The following SEC24C variants were observed in gnomAD, a reference collection of about 807,000 sequenced individuals.
SEC24C encodes the protein protein transport protein Sec24C.
Under a neutral mutation model 117.0 loss-of-function variants are expected in SEC24C, and 22 were observed. That is an observed-to-expected ratio of 0.19 (90% CI 0.13 to 0.27). The LOEUF (loss-of-function observed/expected upper bound fraction) is 0.27, where lower values mean the gene tolerates loss of function less well. Ranked by LOEUF, SEC24C falls within the 10% of genes least tolerant of loss-of-function variation. SEC24C has a pLI of 1.00. For missense variants in SEC24C, 1,155 were observed against 1,375.1 expected, an observed-to-expected ratio of 0.84 and a Z score of 2.53; for synonymous variants, 506 against 529.4, an observed-to-expected ratio of 0.96 and a Z score of 0.61.
At position 73,766,867 on chromosome 10, in the gene SEC24C, A is replaced by G; in HGVS notation, c.1893+14A>G. On this transcript the variant is annotated intron_variant, in intron 13 of 22. Coordinates refer to ENST00000345254, the MANE Select transcript of SEC24C (RefSeq NM_198597.3). ...GAGGCTCTGAAGGTAAGGCTGGAGTATCGGGCAACCTCCTCTAACTCCATT... is the reference window on the plus strand; with the variant it reads ...GAGGCTCTGAAGGTAAGGCTGGAGTGTCGGGCAACCTCCTCTAACTCCATT... 2 of 1,609,066 alleles carry G rather than the reference A, an allele frequency of 1.2e-6. No homozygotes were observed. Among genetic ancestry groups the G allele is most frequent in the Non-Finnish European group, 1.7e-6 (2 of 1,175,356 alleles).
rs1442816028 is a variant in SEC24C at position 73,765,842 on chromosome 10, G to A, written c.1409G>A (p.Arg470His). ...YFQHLDHTGKRVDAYDRPELS... is the reference protein window; with the variant it reads ...YFQHLDHTGKHVDAYDRPELS... ...CAGCACCTGGATCATACCGGCAAAC[G>A]TGTGGATGCTTATGACCGCCCTGAG... Residue 470 changes from arginine to histidine, a missense_variant, in exon 10 of 23, where the codon CGT (arginine) becomes CAT (histidine). Physicochemically the swap from Arg to His is conservative, Grantham distance 29. This residue lies in a region of SEC24C where 759 missense variants were observed against 992.3 expected (regional missense o/e 0.76). Coordinates refer to ENST00000345254, the MANE Select transcript of SEC24C (RefSeq NM_198597.3). 2 of 1,614,138 alleles carry A rather than the reference G, an allele frequency of 1.2e-6. No individual in the cohort carries two copies. Among genetic ancestry groups the A allele is most frequent in the South Asian group, 1.1e-5 (1 of 91,074 alleles).
Position 73,771,993 on chromosome 10 carries a change from T to G in SEC24C, c.*898T>G. On this transcript the variant is annotated 3_prime_UTR_variant, in exon 23 of 23. Coordinates refer to ENST00000345254, the MANE Select transcript of SEC24C (RefSeq NM_198597.3). ...ATTGACTGAGTGGCTGACAGTTATCTTCCAACCCCAACTGGCTTGGGGGCA... is the reference window on the plus strand; with the variant it reads ...ATTGACTGAGTGGCTGACAGTTATCGTCCAACCCCAACTGGCTTGGGGGCA... The G allele has an allele frequency of 3.9e-6, 1 of 255,436 alleles. No homozygotes were observed. The highest frequency in any genetic ancestry group is 7.4e-6 in the Non-Finnish European group (1 of 134,640). 15.8% of individuals were successfully genotyped at this position (255,436 alleles called of 1,614,324 possible).
At chr10:73,753,734 A>G (rs765095000) in intron 3 of SEC24C, among the ~76,000 whole-genome samples, 11 of 152,226 alleles carry the variant, frequency 7.2e-5, no homozygotes, top group Non-Finnish European at 1.6e-4. Flanking sequence ...CCCACAGGAA[A>G]AACACTTGGT....
At position 73,770,001 on chromosome 10, in the gene SEC24C, C is replaced by T. The variant is rs755865872; in HGVS notation, c.2848C>T (p.Arg950Trp). Reference sequence around the variant, plus strand: ...TGAGACCAATGTCTTCTTCTACCCTCGGCTCTTACCTTTGGTGCGATTGAG... The same window carrying T: ...TGAGACCAATGTCTTCTTCTACCCTTGGCTCTTACCTTTGGTGCGATTGAG... ...VTETNVFFYP[R>W]LLPLTKSPVE... Residue 950 changes from arginine (R) to tryptophan (W), a missense_variant, in exon 20 of 23, where the codon CGG (arginine) becomes TGG (tryptophan). This residue lies in a region of SEC24C where 759 missense variants were observed against 992.3 expected (regional missense o/e 0.76). Transcript: ENST00000345254. 1.5e-5 allele frequency: 25 copies of T among 1,614,004 alleles called. No homozygotes were observed. The highest frequency in any genetic ancestry group is 2.0e-5 in the Non-Finnish European group (24 of 1,180,016).
intron 3 of SEC24C, among the ~76,000 whole-genome samples, chr10:73,755,048 G>T (rs2082690711): frequency 6.6e-6 from 1 of 151,962 alleles, no homozygotes; most frequent in Non-Finnish European, 1.5e-5. Context: ...TGGGAGGATG[G>T]CTTGAAACCA....
Position 73,768,997 on chromosome 10 carries a change from G to T in SEC24C, c.2279-10G>T, listed in dbSNP as rs1186210491. The T allele has an allele frequency of 3.1e-6, 5 of 1,614,242 alleles. No homozygotes were observed. In the South Asian group the frequency reaches 5.5e-5, roughly 18 times the overall value. On this transcript the variant is annotated splice_polypyrimidine_tract_variant and intron_variant, in intron 16 of 22. Transcript: ENST00000345254. ...TACTTTTTGCCCTGACCCTGTCCAT[G>T]TGGCCTCAGGTATCCGTGCTGTAGA...
chr10:73,766,525 C>T lies in SEC24C; in HGVS notation c.1783C>T (p.Arg595Trp), dbSNP rs148361947. ...DGFLVNVNES[R>W]AVITSLLDQI... Reference sequence around the variant, plus strand: ...CTTCCTGGTCAACGTCAATGAGTCTCGGGCAGTTATCACCAGGTAAGAGCC... The same window carrying T: ...CTTCCTGGTCAACGTCAATGAGTCTTGGGCAGTTATCACCAGGTAAGAGCC... Residue 595 changes from arginine to tryptophan, a missense_variant, in exon 12 of 23, where the codon CGG becomes TGG. Around this residue, in one of 2 missense-constraint regions of SEC24C, gnomAD observed 759 missense variants for 992.3 expected, o/e 0.76. Transcript: ENST00000345254. 1.7e-4 allele frequency: 274 copies of T among 1,609,388 alleles called. No individual in the cohort carries two copies. The African/African-American group carries it at 2.6e-3, about 15-fold the overall frequency.
intron 1 of SEC24C, among the ~76,000 whole-genome samples, chr10:73,745,408 G>A (rs751723932): frequency 6.6e-6 from 1 of 151,322 alleles, no homozygotes; most frequent in Non-Finnish European, 1.5e-5. Flanking sequence ...GAGGGATGAG[G>A]TGAATGATTT....
chr10:73,764,423 C>G lies in SEC24C; in HGVS notation c.1227+440C>G, dbSNP rs542523166. Among the ~76,000 whole-genome samples the G allele has an allele frequency of 1.2e-3, 180 of 151,542 alleles. No homozygotes were observed. The Middle Eastern group carries it at 0.017, about 14-fold the overall frequency. Reference sequence around the variant, plus strand: ...CCTGTAGTCCCAGCTACTTGGGAGACTGAGGCAGGAGAATGGCGTGAACCC... The same window carrying G: ...CCTGTAGTCCCAGCTACTTGGGAGAGTGAGGCAGGAGAATGGCGTGAACCC... On this transcript the variant is annotated intron_variant, in intron 8 of 22. Coordinates refer to ENST00000345254, the MANE Select transcript of SEC24C (RefSeq NM_198597.3).
In SEC24C at chr10:73,771,293, CT is replaced by C; in HGVS notation, c.*199del. ...CATGTCCTGCTGATGGAAGGTGCCC[CT>C]GTTCCCTCATTCTACCCTCTTTTTC... On this transcript the variant is annotated 3_prime_UTR_variant, in exon 23 of 23. Coordinates refer to ENST00000345254, the MANE Select transcript of SEC24C (RefSeq NM_198597.3). 1 of 605,950 alleles carries C rather than the reference CT, an allele frequency of 1.7e-6. No individual in the cohort carries two copies. 37.5% of individuals were successfully genotyped at this position (605,950 alleles called of 1,614,324 possible). A position where few individuals can be genotyped will look rare whatever the true frequency, so the allele number is the denominator to read the frequency against.
At chr10:73,746,687 G>C (rs2082558208) in intron 1 of SEC24C, 118 bp from the exon 2 acceptor site, 5 of 580,580 alleles carry the variant, frequency 8.6e-6, no homozygotes, top group Admixed American at 3.8e-5. Context: ...GGAAGTGTGA[G>C]GATTATTAAA....
In SEC24C at chr10:73,747,632, G is replaced by A. The variant is rs550481468; in HGVS notation, c.172+628G>A. Among the ~76,000 whole-genome samples, 33 of 149,338 alleles carry A rather than the reference G, an allele frequency of 2.2e-4. No individual in the cohort carries two copies. The East Asian group carries it at 5.8e-3, about 26-fold the overall frequency. On this transcript the variant is annotated intron_variant, in intron 2 of 22. Transcript: ENST00000345254. ...CTCCCAAAGTGCTGGGATTATAGGC[G>A]TGAGCTACCGTGCCTGGCCTGTATT... is the stretch of plus-strand genomic sequence containing the variant.
chr10:73,768,157 GC>G, intron 15 of SEC24C, 150 bp downstream of exon 15: 1 of 661,462 alleles, frequency 1.5e-6, no homozygotes, highest in Admixed American at 3.3e-5. Context: ...GCTGAGGCAG[GC>G]AGATCACCTG....
Position 73,751,493 on chromosome 10 carries a change from G to A in SEC24C, c.308+250G>A, listed in dbSNP as rs550843946. 1.3e-4 allele frequency among the ~76,000 whole-genome samples: 20 copies of A among 152,286 alleles called. No individual in the cohort carries two copies. In the South Asian group the frequency reaches 3.9e-3, roughly 30 times the overall value. The stretch of plus-strand genomic sequence containing the variant: ...AGAATCATGAGGCAGAGGTTGCCGT[G>A]AGCCGAGATCGTGCCATTGCACTCC... On this transcript the variant is annotated intron_variant, in intron 3 of 22. Coordinates refer to ENST00000345254, the MANE Select transcript of SEC24C (RefSeq NM_198597.3).
chr10:73,746,074 C>T (rs563347742), intron 1 of SEC24C, among the ~76,000 whole-genome samples: 1 of 145,544 alleles, frequency 6.9e-6, no homozygotes, highest in South Asian at 2.2e-4. Flanking sequence ...GCAGGAGAAT[C>T]GTTTGAACCC....
intron 8 of SEC24C, 77 bp from the exon 9 acceptor site, chr10:73,765,374 G>A (rs758511306): frequency 1.2e-5 from 19 of 1,530,656 alleles, no homozygotes; most frequent in African/African-American, 6.8e-5. Context: ...TTCTTCCTCC[G>A]GTTGTTCTTC....
chr10:73,745,101 C>A (rs535100804), intron 1 of SEC24C, among the ~76,000 whole-genome samples: 1 of 152,160 alleles, frequency 6.6e-6, no homozygotes, highest in Non-Finnish European at 1.5e-5. Flanking sequence ...GGTGGCCCTT[C>A]TAGCAAAGGG....
chr10:73,770,755 G>A lies in SEC24C; in HGVS notation c.3101G>A (p.Gly1034Asp). The A allele has an allele frequency of 1.2e-6, 2 of 1,614,120 alleles. No homozygotes were observed. Among genetic ancestry groups the A allele is most frequent in the Non-Finnish European group, 1.7e-6 (2 of 1,180,028 alleles). ...LDNPLSKKVRGLIDSLRAQRS... is the reference protein window; with the variant it reads ...LDNPLSKKVRDLIDSLRAQRS... ...AATCCACTGTCCAAGAAGGTTCGAG[G>A]CCTCATTGATAGCTTACGGGCACAG... Residue 1034 changes from glycine (G) to aspartate (D), a missense_variant, in exon 22 of 23, where the codon GGC becomes GAC. Transcript: ENST00000345254.
chr10:73,763,398 G>C, intron 6 of SEC24C, 92 bp from the exon 7 acceptor site: 1 of 790,392 alleles, frequency 1.3e-6, no homozygotes, highest in South Asian at 1.7e-5. Context: ...TTTAGTTTTT[G>C]TGTTACAGCT....
Sources: allele counts gnomAD v4.1 joint callset (sites outside exome capture counted in the v4.1 genomes callset), GRCh38; gene constraint gnomAD v4.1.1; regional missense constraint gnomAD v4.1.1; transcripts MANE v1.5; gene names NCBI Gene and HGNC (gene_info 2026-07-23, HGNC 2026-07-21).